The following ATP8A2 variants were observed in gnomAD, a reference collection of about 807,000 sequenced individuals.
ATP8A2 encodes the protein ATPase phospholipid transporting 8A2.
A neutral mutation model predicts 165.6 loss-of-function variants in ATP8A2; 100 were observed. The observed-to-expected ratio is 0.60, with a 90% CI of 0.51 to 0.71. The LOEUF (loss-of-function observed/expected upper bound fraction) is 0.71, where lower values mean the gene tolerates loss of function less well. Ranked by LOEUF, ATP8A2 falls within the 30% of genes least tolerant of loss-of-function variation. ATP8A2 has a pLI of 0.00. For missense variants in ATP8A2, 1,227 were observed against 1,479.5 expected (o/e 0.83, Z 2.80); for synonymous variants, 543 against 548.8 (o/e 0.99, Z 0.15).
chr13:25,768,686 C>T (rs2044548182), intron 25 of ATP8A2, among the ~76,000 whole-genome samples: 1 of 152,112 alleles, frequency 6.6e-6, no homozygotes, highest in Non-Finnish European at 1.5e-5. Flanking sequence ...TGCTGGTTTT[C>T]TGATTTATTG....
At chr13:25,891,245 C>G (rs1448602838) in intron 33 of ATP8A2, among the ~76,000 whole-genome samples, 1 of 152,172 alleles carries the variant, frequency 6.6e-6, no homozygotes, top group Non-Finnish European at 1.5e-5. Flanking sequence ...TTACGCCACT[C>G]GAAAACGATC....
chr13:25,643,563 G>T (rs1463796748), intron 24 of ATP8A2, among the ~76,000 whole-genome samples: 1 of 152,066 alleles, frequency 6.6e-6, no homozygotes, highest in Non-Finnish European at 1.5e-5. Context: ...CTTGGCACCA[G>T]TGTTGAAATC....
At chr13:25,926,622 T>C (rs1954614803) in intron 33 of ATP8A2, among the ~76,000 whole-genome samples, 1 of 152,150 alleles carries the variant, frequency 6.6e-6, no homozygotes, top group Non-Finnish European at 1.5e-5. Context: ...ATCATGGGGA[T>C]TTGGGGATCA....
intron 27 of ATP8A2, among the ~76,000 whole-genome samples, chr13:25,821,606 G>A (rs1244828445): frequency 6.6e-6 from 1 of 152,142 alleles, no homozygotes; most frequent in Non-Finnish European, 1.5e-5. Context: ...TATTTTGTTT[G>A]TAACAAACAT....
intron 33 of ATP8A2, among the ~76,000 whole-genome samples, chr13:25,902,933 C>A (rs1424477793): frequency 9.9e-6 from 1 of 100,822 alleles, no homozygotes; most frequent in Non-Finnish European, 2.0e-5. Context: ...TATACATCCT[C>A]AGCATGCACA....
At chr13:25,868,788 A>G (rs1026744505) in intron 33 of ATP8A2, among the ~76,000 whole-genome samples, 12 of 152,044 alleles carry the variant, frequency 7.9e-5, no homozygotes, top group African/African-American at 2.9e-4. Context: ...AATCCCTAGA[A>G]CCAAAAACAA....
At chr13:25,528,481 G>T (rs1015805466) in intron 2 of ATP8A2, among the ~76,000 whole-genome samples, 3 of 152,128 alleles carry the variant, frequency 2.0e-5, no homozygotes, top group African/African-American at 7.2e-5. Context: ...TCCATCAAAT[G>T]ACCTCTGGCT....
At chr13:25,594,984 G>A (rs28601672) in intron 24 of ATP8A2, among the ~76,000 whole-genome samples, 183 of 142,812 alleles carry the variant, frequency 1.3e-3, no homozygotes, top group African/African-American at 4.4e-3. Context: ...GTGTGTGTGT[G>A]TATATATATA....
intron 27 of ATP8A2, among the ~76,000 whole-genome samples, chr13:25,827,065 C>T (rs538082808): frequency 1.3e-5 from 2 of 152,264 alleles, no homozygotes; most frequent in African/African-American, 2.4e-5. Flanking sequence ...GATGATCTTT[C>T]CTTTTCTGAC....
In ATP8A2 at chr13:25,762,555, T is replaced by G. The variant is rs146737106; in HGVS notation, c.2385-6491T>G. On this transcript the variant is annotated intron_variant, in intron 25 of 36. Coordinates refer to ENST00000381655, the MANE Select transcript of ATP8A2 (RefSeq NM_016529.6). The stretch of plus-strand genomic sequence containing the variant: ...ACTAATAGCCTGCTCCTAGGTCTGT[T>G]GTTTATATGAAAGTTAAGATAGTTT... Among the ~76,000 whole-genome samples the G allele has an allele frequency of 1.2e-4, 18 of 152,336 alleles. No individual in the cohort carries two copies. In the East Asian group the frequency reaches 3.3e-3, roughly 28 times the overall value.
intron 1 of ATP8A2, among the ~76,000 whole-genome samples, chr13:25,408,834 A>G (rs1222995235): frequency 2.0e-5 from 3 of 152,240 alleles, no homozygotes; most frequent in Admixed American, 6.5e-5. Flanking sequence ...TTCTGATTGT[A>G]GATGCAGAAC....
intron 35 of ATP8A2, among the ~76,000 whole-genome samples, chr13:25,998,496 G>A (rs1956563321): frequency 6.6e-6 from 1 of 152,168 alleles, no homozygotes; most frequent in Non-Finnish European, 1.5e-5. Flanking sequence ...AAAGTTTTCT[G>A]TCTTGCTAGG....
chr13:25,992,686 TTG>T (rs1458562756), intron 35 of ATP8A2, among the ~76,000 whole-genome samples: 6 of 148,536 alleles, frequency 4.0e-5, no homozygotes, highest in South Asian at 2.2e-4. Flanking sequence ...AGTTTTTTTT[TTG>T]TTTGTTTTTT....
intron 33 of ATP8A2, among the ~76,000 whole-genome samples, chr13:25,936,489 T>G (rs934785432): frequency 6.6e-6 from 1 of 152,182 alleles, no homozygotes; most frequent in African/African-American, 2.4e-5. Context: ...TTTCCAGGTA[T>G]CCCTTAATTG....
chr13:25,751,132 T>C (rs2044145849), intron 25 of ATP8A2, among the ~76,000 whole-genome samples: 1 of 152,214 alleles, frequency 6.6e-6, no homozygotes, highest in African/African-American at 2.4e-5. Context: ...TTCTCTGTGG[T>C]TATTTGAAAG....
chr13:25,912,181 C>T (rs1023201612), intron 33 of ATP8A2, among the ~76,000 whole-genome samples: 1 of 147,810 alleles, frequency 6.8e-6, no homozygotes, highest in Admixed American at 6.6e-5. Flanking sequence ...CACACACACA[C>T]ACACACACAC....
At chr13:25,724,436 T>A (rs950543606) in intron 25 of ATP8A2, among the ~76,000 whole-genome samples, 1 of 152,166 alleles carries the variant, frequency 6.6e-6, no homozygotes, top group Non-Finnish European at 1.5e-5. Flanking sequence ...CATTTCCCAA[T>A]GTTGAATTGT....
In ATP8A2 at chr13:25,412,640, C is replaced by T. The variant is rs997280992; in HGVS notation, c.76+40352C>T. Among the ~76,000 whole-genome samples, 3 of 152,148 alleles carry T rather than the reference C, an allele frequency of 2.0e-5. No homozygotes were observed. In the East Asian group the frequency reaches 5.8e-4, roughly 29 times the overall value. ...GGGAGCAAAAGGTGGAGAACATCTC[C>T]CCTTAGGCCTCGTGCATCTAGTTAT... On this transcript the variant is annotated intron_variant, in intron 1 of 36. Transcript: ENST00000381655.
chr13:25,737,289 T>G (rs1228657056), intron 25 of ATP8A2, among the ~76,000 whole-genome samples: 1 of 152,200 alleles, frequency 6.6e-6, no homozygotes, highest in Non-Finnish European at 1.5e-5. Context: ...TTGCACCTTA[T>G]GTTTGTGTTA....
Sources: allele counts gnomAD v4.1 joint callset (sites outside exome capture counted in the v4.1 genomes callset), GRCh38; gene constraint gnomAD v4.1.1; transcripts MANE v1.5; gene names NCBI Gene and HGNC (gene_info 2026-07-23, HGNC 2026-07-21).